Variants in RBFOX1 observed in about 807,000 individuals in gnomAD.
The protein encoded by RBFOX1 is RNA binding fox-1 homolog 1, also known as RNA binding protein fox-1 homolog 1.
In RBFOX1, 8 loss-of-function variants were observed where a neutral mutation model predicts 57.7. The observed-to-expected ratio is 0.14, with a 90% CI of 0.08 to 0.25. The LOEUF (loss-of-function observed/expected upper bound fraction) is 0.25, where lower values mean the gene tolerates loss of function less well. RBFOX1 is among the 10% of genes least tolerant of loss of function. The pLI, the probability that RBFOX1 is intolerant of heterozygous loss-of-function variation, is 1.00. For synonymous variants in RBFOX1, 326 were observed against 222.4 expected (o/e 1.47, Z -4.15); for missense variants, 611 against 548.5 (o/e 1.11, Z -1.14).
intron 2 of RBFOX1, among the ~76,000 whole-genome samples, chr16:5,520,176 G>A (rs1362437987): frequency 6.6e-6 from 1 of 152,128 alleles, no homozygotes; most frequent in East Asian, 1.9e-4. Flanking sequence ...TGTGGCTGGA[G>A]AGAGATGAGT....
chr16:6,233,776 A>C (rs2097484018), intron 1 of RBFOX1, among the ~76,000 whole-genome samples: 1 of 151,812 alleles, frequency 6.6e-6, no homozygotes, highest in South Asian at 2.1e-4. Context: ...GCCCATCCCA[A>C]CTTTATTTTT....
intron 3 of RBFOX1, among the ~76,000 whole-genome samples, chr16:6,672,351 A>G (rs906420700): frequency 6.6e-6 from 1 of 151,448 alleles, no homozygotes; most frequent in Admixed American, 6.6e-5. Context: ...GGGAGGGAGG[A>G]GAGTGAGAGA....
intron 1 of RBFOX1, among the ~76,000 whole-genome samples, chr16:6,174,507 G>A (rs1404630870): frequency 5.3e-5 from 8 of 152,050 alleles, no homozygotes; most frequent in East Asian, 1.9e-4. Flanking sequence ...AGGCACAAGA[G>A]TCGCTTGAAC....
intron 2 of RBFOX1, among the ~76,000 whole-genome samples, chr16:6,403,856 G>A (rs1412635935): frequency 2.0e-5 from 3 of 152,068 alleles, no homozygotes; most frequent in Non-Finnish European, 4.4e-5. Context: ...AGATAATTAA[G>A]GTCCAATGAG....
At chr16:6,198,630 AT>A (rs2097195905) in intron 1 of RBFOX1, among the ~76,000 whole-genome samples, 1 of 152,184 alleles carries the variant, frequency 6.6e-6, no homozygotes, top group African/African-American at 2.4e-5. Context: ...GACTTTTATG[AT>A]TAGGAATTTG....
intron 3 of RBFOX1, among the ~76,000 whole-genome samples, chr16:6,840,177 T>C (rs2093379689): frequency 6.6e-6 from 1 of 152,190 alleles, no homozygotes; most frequent in Admixed American, 6.5e-5. Flanking sequence ...TTAAGGTGCC[T>C]AAAAGCACCA....
At chr16:7,005,988 C>G (rs1238044567) in intron 3 of RBFOX1, among the ~76,000 whole-genome samples, 2 of 152,130 alleles carry the variant, frequency 1.3e-5, no homozygotes, top group African/African-American at 4.8e-5. Flanking sequence ...AACAGAAAGG[C>G]AAATCCTCTA....
At chr16:6,383,751 CAG>C (rs2092024328) in intron 2 of RBFOX1, among the ~76,000 whole-genome samples, 1 of 151,184 alleles carries the variant, frequency 6.6e-6, no homozygotes, top group Non-Finnish European at 1.5e-5. Context: ...GCCTGGGCGA[CAG>C]TGCGAGAATT....
intron 3 of RBFOX1, among the ~76,000 whole-genome samples, chr16:6,872,653 G>T (rs1157236226): frequency 1.3e-5 from 2 of 152,196 alleles, no homozygotes; most frequent in African/African-American, 2.4e-5. Flanking sequence ...GGTTAAAGTA[G>T]AATGATTGGA....
intron 4 of RBFOX1, among the ~76,000 whole-genome samples, chr16:5,974,820 C>A (rs941055454): frequency 2.6e-5 from 4 of 151,946 alleles, no homozygotes; most frequent in African/African-American, 9.7e-5. Context: ...ACCAGCCTGA[C>A]CAACATGGAG....
chr16:6,830,873 C>T (rs1307517365), intron 3 of RBFOX1, among the ~76,000 whole-genome samples: 2 of 152,164 alleles, frequency 1.3e-5, no homozygotes, highest in African/African-American at 2.4e-5. Context: ...GATAGTAACT[C>T]TCCCACCTCC....
intron 4 of RBFOX1, chr16:7,431,347 C>T (rs2098677793): frequency 6.6e-6 from 1 of 152,174 alleles, no homozygotes; most frequent in South Asian, 2.1e-4. Flanking sequence ...CTGCCTCAGC[C>T]TCCTAAGTAG....
At chr16:7,402,436 CACA>C (rs1280078629) in intron 4 of RBFOX1, among the ~76,000 whole-genome samples, 1 of 152,168 alleles carries the variant, frequency 6.6e-6, no homozygotes, top group East Asian at 1.9e-4. Flanking sequence ...AATAAAATTT[CACA>C]AATAATAGTA....
chr16:5,755,904 TC>T (rs2053377679), intron 3 of RBFOX1, among the ~76,000 whole-genome samples: 2 of 152,088 alleles, frequency 1.3e-5, no homozygotes, highest in Non-Finnish European at 2.9e-5. Flanking sequence ...GGCCTCTAAT[TC>T]CTTTTGGAGC....
intron 4 of RBFOX1, among the ~76,000 whole-genome samples, chr16:5,928,598 C>T (rs992487089): frequency 6.6e-6 from 1 of 151,760 alleles, no homozygotes; most frequent in Admixed American, 6.6e-5. Context: ...TTCCTCCTGC[C>T]ACCACATCCC....
chr16:5,769,415 T>G (rs946463503), intron 3 of RBFOX1, among the ~76,000 whole-genome samples: 1 of 149,936 alleles, frequency 6.7e-6, no homozygotes, highest in Non-Finnish European at 1.5e-5. Flanking sequence ...CTGAAGCAGG[T>G]GGATCACTTG....
At chr16:7,207,327 T>A (rs1183165061) in intron 4 of RBFOX1, among the ~76,000 whole-genome samples, 2 of 152,220 alleles carry the variant, frequency 1.3e-5, no homozygotes, top group African/African-American at 4.8e-5. Flanking sequence ...TCTGACCAGA[T>A]GGAACATGAT....
intron 2 of RBFOX1, among the ~76,000 whole-genome samples, chr16:6,620,361 A>G (rs1253813936): frequency 1.3e-5 from 2 of 152,212 alleles, no homozygotes; most frequent in Non-Finnish European, 2.9e-5. Flanking sequence ...TAAGAGGGAA[A>G]TGTATAGCAC....
intron 4 of RBFOX1, among the ~76,000 whole-genome samples, chr16:7,424,485 C>G (rs370047250): frequency 2.0e-5 from 3 of 152,112 alleles, no homozygotes; most frequent in African/African-American, 4.8e-5. Context: ...GTCTTGAACT[C>G]CTGGCCTCAT....
Sources: allele counts gnomAD v4.1 joint callset (sites outside exome capture counted in the v4.1 genomes callset), GRCh38; gene constraint gnomAD v4.1.1; transcripts MANE v1.5; gene names NCBI Gene and HGNC (gene_info 2026-07-23, HGNC 2026-07-21).